Variants in C1QTNF3 observed in about 807,000 individuals in gnomAD.
The protein encoded by C1QTNF3 is complement C1q tumor necrosis factor-related protein 3.
C1QTNF3 carries 26 observed loss-of-function variants against 32.6 expected under a neutral mutation model. That is an observed-to-expected ratio of 0.80 (90% confidence interval 0.58 to 1.11). The LOEUF (loss-of-function observed/expected upper bound fraction) is 1.11, where lower values mean the gene tolerates loss of function less well. Ranked by LOEUF, C1QTNF3 falls within the 50% of genes least tolerant of loss-of-function variation. The pLI, the probability that C1QTNF3 is intolerant of heterozygous loss-of-function variation, is 0.00. For synonymous variants in C1QTNF3, 155 were observed against 146.0 expected (o/e 1.06, Z -0.44); for missense variants, 362 against 398.2 (o/e 0.91, Z 0.77).
the C1QTNF3 span, among the ~76,000 whole-genome samples, chr5:34,077,031 T>C: frequency 6.6e-6 from 1 of 151,874 alleles, no homozygotes; most frequent in African/African-American, 2.4e-5. Flanking sequence ...CAAGCTGTTA[T>C]AACGCCACAC....
At chr5:34,052,640 T>C in the C1QTNF3 span, among the ~76,000 whole-genome samples, 5 of 152,196 alleles carry the variant, frequency 3.3e-5, no homozygotes, top group South Asian at 1.0e-3. Flanking sequence ...TCTTACATGG[T>C]TGTTGTGAAG....
chr5:34,122,821 C>T, the C1QTNF3 span, among the ~76,000 whole-genome samples: 1 of 149,372 alleles, frequency 6.7e-6, no homozygotes, highest in Non-Finnish European at 1.5e-5. Flanking sequence ...GAAGCCAGGG[C>T]TTATTGTAAA....
At chr5:34,087,571 T>TG in the C1QTNF3 span, among the ~76,000 whole-genome samples, 29 of 17,044 alleles carry the variant, frequency 1.7e-3, no homozygotes, top group South Asian at 0.031. Context: ...CGCTTTTGTC[T>TG]TTTTTTTTTT....
the C1QTNF3 span, among the ~76,000 whole-genome samples, chr5:34,113,690 T>C: frequency 6.6e-6 from 1 of 152,152 alleles, no homozygotes; most frequent in African/African-American, 2.4e-5. Context: ...GTATATGTAT[T>C]TTAAAACATA....
chr5:34,033,221 A>C, intron 3 of C1QTNF3, 83 bp downstream of exon 3: 1 of 1,455,068 alleles, frequency 6.9e-7, no homozygotes, highest in Non-Finnish European at 9.4e-7. Context: ...AGACTTGAGG[A>C]AGCGCTCGAA....
chr5:34,241,294 T>G, the C1QTNF3 span, among the ~76,000 whole-genome samples: 1 of 151,658 alleles, frequency 6.6e-6, no homozygotes. Context: ...CAGAGCAATC[T>G]CGCAACAGAA....
intron 5 of C1QTNF3, among the ~76,000 whole-genome samples, chr5:34,022,717 G>C (rs947891110): frequency 6.6e-6 from 1 of 152,162 alleles, no homozygotes; most frequent in Non-Finnish European, 1.5e-5. Flanking sequence ...ATGTGACTAA[G>C]TTCTCTGAAC....
chr5:34,118,765 CTTG>C, the C1QTNF3 span, among the ~76,000 whole-genome samples: 2 of 151,926 alleles, frequency 1.3e-5, no homozygotes, highest in Non-Finnish European at 2.9e-5. Flanking sequence ...TTTGGATCTC[CTTG>C]TTTTCATCCT....
the C1QTNF3 span, among the ~76,000 whole-genome samples, chr5:34,100,623 T>A: frequency 4.0e-5 from 6 of 149,604 alleles, no homozygotes; most frequent in Non-Finnish European, 8.9e-5. Flanking sequence ...TTATTCTTAA[T>A]GTTAATCTAT....
chr5:34,168,281 A>ATGTGTGTGTGTGTG, the C1QTNF3 span: 1 of 143,960 alleles, frequency 6.9e-6, no homozygotes, highest in African/African-American at 2.8e-5. Context: ...GTGTGTGTGC[A>ATGTGTGTGTGTGTG]TGCGTGTGTG....
At chr5:34,095,744 T>C in the C1QTNF3 span, among the ~76,000 whole-genome samples, 1 of 152,020 alleles carries the variant, frequency 6.6e-6, no homozygotes, top group East Asian at 1.9e-4. Flanking sequence ...TCAGTGGTCT[T>C]GGGAGTTGCA....
the C1QTNF3 span, among the ~76,000 whole-genome samples, chr5:34,085,286 T>C: frequency 1.3e-5 from 2 of 150,434 alleles, no homozygotes; most frequent in Non-Finnish European, 2.9e-5. Context: ...TGAGCCACCA[T>C]GCCCGGCCAC....
chr5:34,166,371 T>A, the C1QTNF3 span: 1 of 151,988 alleles, frequency 6.6e-6, no homozygotes, highest in Non-Finnish European at 1.5e-5. Context: ...GAAAAAAGGA[T>A]GTTTTAGACC....
At chr5:34,110,196 GAT>G in the C1QTNF3 span, among the ~76,000 whole-genome samples, 1 of 152,138 alleles carries the variant, frequency 6.6e-6, no homozygotes, top group African/African-American at 2.4e-5. Context: ...AGAGGGAAAA[GAT>G]AGAGCAAAGG....
the C1QTNF3 span, among the ~76,000 whole-genome samples, chr5:34,089,553 T>C: frequency 6.6e-6 from 1 of 152,216 alleles, no homozygotes. Flanking sequence ...CAGCAGACAC[T>C]GAATCTGCTG....
Position 34,026,468 on chromosome 5 carries a change from AAAAAAG to A in C1QTNF3, c.700+2280_700+2285del, listed in dbSNP as rs1343993678. ...CAAAATCTGCCAGCAAAAAAAAAAA[AAAAAAG>A]AAAAGAAAAGAAAAGAAAGAAAAAA... On this transcript the variant is annotated intron_variant, in intron 4 of 5. Coordinates refer to ENST00000382065, the MANE Select transcript of C1QTNF3 (RefSeq NM_181435.6). Among the ~76,000 whole-genome samples the A allele has an allele frequency of 3.5e-3, 507 of 144,330 alleles. 2 individuals are homozygous for A. The highest frequency in any genetic ancestry group is 0.013 in the African/African-American group (470 of 37,306). The allele number at this position is 144,330 out of a possible 152,430, so 94.7% of individuals were successfully genotyped here.
At chr5:34,219,879 A>C in the C1QTNF3 span, 1 of 152,134 alleles carries the variant, frequency 6.6e-6, no homozygotes, top group Admixed American at 6.6e-5. Flanking sequence ...GGCTATACTA[A>C]TAAACAAGAA....
the C1QTNF3 span, among the ~76,000 whole-genome samples, chr5:34,069,284 T>C: frequency 7.3e-5 from 11 of 149,762 alleles, 1 homozygote; most frequent in African/African-American, 2.7e-4. Context: ...GTAGAGATAT[T>C]GAATTCTTAC....
the C1QTNF3 span, among the ~76,000 whole-genome samples, chr5:34,210,331 T>C: frequency 6.6e-6 from 1 of 152,086 alleles, no homozygotes; most frequent in Admixed American, 6.5e-5. Flanking sequence ...TAGGCTTTAA[T>C]ATCAATTGAC....
Sources: allele counts gnomAD v4.1 joint callset (sites outside exome capture counted in the v4.1 genomes callset), GRCh38; gene constraint gnomAD v4.1.1; transcripts MANE v1.5; gene names NCBI Gene and HGNC (gene_info 2026-07-23, HGNC 2026-07-21).